Variants in GTPBP4 observed in about 807,000 individuals in gnomAD.
GTPBP4 encodes GTP-binding protein 4.
A neutral mutation model predicts 81.7 loss-of-function variants in GTPBP4; 15 were observed. The ratio of observed to expected loss-of-function variants is 0.18; its 90% CI spans 0.12 to 0.28. The LOEUF (loss-of-function observed/expected upper bound fraction) is 0.28. Among genes scored for constraint, GTPBP4 ranks in the 10% least tolerant of loss-of-function variants. The pLI, the probability that GTPBP4 is intolerant of heterozygous loss-of-function variation, is 1.00. For synonymous variants in GTPBP4, 272 were observed against 274.6 expected, an observed-to-expected ratio of 0.99 and a Z score of 0.09; for missense variants, 847 against 793.8, an observed-to-expected ratio of 1.07 and a Z score of -0.81.
intron 12 of GTPBP4, among the ~76,000 whole-genome samples, chr10:1,010,009 G>GTA (rs1831822014): frequency 6.6e-6 from 1 of 151,556 alleles, no homozygotes; most frequent in Middle Eastern, 3.4e-3. Flanking sequence ...AAAGGTGCAT[G>GTA]CTGATAGCAC....
chr10:1,010,258 A>G (rs1831828859), intron 12 of GTPBP4, among the ~76,000 whole-genome samples, 162 bp from the exon 13 acceptor site: 1 of 151,888 alleles, frequency 6.6e-6, no homozygotes, highest in Non-Finnish European at 1.5e-5. Flanking sequence ...TGGGTGTTGA[A>G]TGAGGCTGAT....
At chr10:1,007,152 G>A (rs771590875) in intron 10 of GTPBP4, 24 bp downstream of exon 10, 28 of 1,305,706 alleles carry the variant, frequency 2.1e-5, no homozygotes, top group Admixed American at 8.4e-5. Flanking sequence ...TGGGACAGCC[G>A]TGGGCTCACA....
At chr10:993,757 T>C (rs1459949532) in intron 2 of GTPBP4, among the ~76,000 whole-genome samples, 5 of 152,172 alleles carry the variant, frequency 3.3e-5, no homozygotes, top group African/African-American at 1.2e-4. Flanking sequence ...AATGTTTGGC[T>C]TCTGTGACAG....
intron 15 of GTPBP4, among the ~76,000 whole-genome samples, chr10:1,015,534 GGGGTCCT>G (rs1320492426): frequency 3.1e-4 from 41 of 132,900 alleles, no homozygotes; most frequent in African/African-American, 9.7e-4. Flanking sequence ...GAGCGGGGCT[GGGGTCCT>G]GAGCGCTGAG....
Position 1,002,140 on chromosome 10 carries a change from C to T in GTPBP4, c.912+1127C>T, listed in dbSNP as rs564170353. ...GTTTTACCATACCGGCCAGGCTGGTCTTGAATTTATGACCTCAAGTGATCC... is the reference window on the plus strand; with the variant it reads ...GTTTTACCATACCGGCCAGGCTGGTTTTGAATTTATGACCTCAAGTGATCC... On this transcript the variant is annotated intron_variant, in intron 8 of 16. Coordinates refer to ENST00000360803, the MANE Select transcript of GTPBP4 (RefSeq NM_012341.3). 2.0e-5 allele frequency among the ~76,000 whole-genome samples: 3 copies of T among 152,216 alleles called. No individual in the cohort carries two copies. In the South Asian group the frequency reaches 6.2e-4, roughly 32 times the overall value.
intron 8 of GTPBP4, among the ~76,000 whole-genome samples, chr10:1,005,226 A>G (rs1229385287): frequency 6.6e-6 from 1 of 151,910 alleles, no homozygotes; most frequent in Non-Finnish European, 1.5e-5. Flanking sequence ...GCTCAATGCA[A>G]GCTCCACCTC....
chr10:1,013,040 A>G lies in GTPBP4; in HGVS notation c.1542+378A>G, dbSNP rs559660389. 1.6e-4 allele frequency among the ~76,000 whole-genome samples: 25 copies of G among 151,788 alleles called. 1 individual carries two copies. The East Asian group carries it at 3.9e-3, about 24-fold the overall frequency. On this transcript the variant is annotated intron_variant, in intron 14 of 16. Coordinates refer to ENST00000360803, the MANE Select transcript of GTPBP4 (RefSeq NM_012341.3). ...GCTGTGTCTCCCAGGCTGGAGTGCA[A>G]TGGCGCCATCTTGGCTCACTGCAGC...
chr10:1,019,823 C>T lies in GTPBP4; in HGVS notation c.*2596C>T, dbSNP rs773314383. The T allele has an allele frequency of 1.1e-5, 17 of 1,612,132 alleles. No individual in the cohort carries two copies. Among genetic ancestry groups the T allele is most frequent in the Non-Finnish European group, 1.4e-5 (16 of 1,178,370 alleles). The stretch of plus-strand genomic sequence containing the variant: ...GATAGATTGTCATGAACACAATGTC[C>T]TCTGGAGAAATCTATTGACAGAAAT... On this transcript the variant is annotated 3_prime_UTR_variant, in exon 17 of 17. Transcript: ENST00000360803.
chr10:994,946 C>T (rs1335489848), intron 2 of GTPBP4, among the ~76,000 whole-genome samples: 1 of 152,076 alleles, frequency 6.6e-6, no homozygotes, highest in Non-Finnish European at 1.5e-5. Flanking sequence ...TGCAGTGAAG[C>T]CATGGAAGGG....
chr10:988,451 C>T lies in GTPBP4; in HGVS notation c.-29C>T. ...CCGACGGCGGAAGTTCCGGGAGTGC[C>T]AAGTACCCGCGTGCATACGGCTGCC... On this transcript the variant is annotated 5_prime_UTR_variant, in exon 1 of 17. Coordinates refer to ENST00000360803, the MANE Select transcript of GTPBP4 (RefSeq NM_012341.3). 6.2e-7 allele frequency: 1 copy of T among 1,607,100 alleles called. No homozygotes were observed. Among genetic ancestry groups the T allele is most frequent in the Non-Finnish European group, 8.5e-7 (1 of 1,174,178 alleles).
At chr10:1,015,381 T>G (rs12254657) in intron 15 of GTPBP4, among the ~76,000 whole-genome samples, 2,021 of 106,786 alleles carry the variant, frequency 0.019, 73 homozygotes, top group African/African-American at 0.069. Flanking sequence ...GGTCCTGAGC[T>G]CTGAGCCTGG....
At chr10:1,005,681 GAT>G in intron 8 of GTPBP4, 135 bp from the exon 9 acceptor site, 1 of 619,722 alleles carries the variant, frequency 1.6e-6, no homozygotes, top group Non-Finnish European at 2.9e-6. Context: ...CTGTTTTTAG[GAT>G]ATGTCTGTTT....
At chr10:991,711 TTTG>T (rs1831446718) in intron 1 of GTPBP4, among the ~76,000 whole-genome samples, 1 of 145,912 alleles carries the variant, frequency 6.9e-6, no homozygotes. Flanking sequence ...TTTTTTTTTT[TTTG>T]AGACGGAGTC....
At chr10:1,013,841 A>T (rs1196583047) in intron 14 of GTPBP4, among the ~76,000 whole-genome samples, 3 of 152,182 alleles carry the variant, frequency 2.0e-5, no homozygotes, top group African/African-American at 7.2e-5. Flanking sequence ...GTGACTGGTT[A>T]TGGCGGACTT....
chr10:999,030 C>T lies in GTPBP4; in HGVS notation c.589C>T (p.Pro197Ser). Residue 197 changes from proline (P) to serine (S), a missense_variant, in exon 6 of 17, where the codon CCC (proline) becomes TCC (serine). Around this residue, in one of 3 missense-constraint regions of GTPBP4, gnomAD observed 600 missense variants for 557.1 expected, o/e 1.08. Coordinates refer to ENST00000360803, the MANE Select transcript of GTPBP4 (RefSeq NM_012341.3). ...GACGAGAGCAGACGTGGATGTCCAG[C>T]CCTATGCGTTCACAACCAAGTCTCT... is the stretch of plus-strand genomic sequence containing the variant. ...KVTRADVDVQPYAFTTKSLFV... is the reference protein window; with the variant it reads ...KVTRADVDVQSYAFTTKSLFV... The T allele has an allele frequency of 1.2e-6, 2 of 1,607,556 alleles. No individual in the cohort carries two copies. The highest frequency in any genetic ancestry group is 1.7e-6 in the Non-Finnish European group (2 of 1,173,956).
chr10:1,001,931 G>GTT (rs34090663), intron 8 of GTPBP4, among the ~76,000 whole-genome samples: 154 of 145,654 alleles, frequency 1.1e-3, no homozygotes, highest in East Asian at 4.0e-3. Flanking sequence ...TTTTATTTTT[G>GTT]TTTTTTTTTT....
At chr10:1,009,467 C>T (rs1232441545) in intron 11 of GTPBP4, 62 bp from the exon 12 acceptor site, 2 of 1,041,556 alleles carry the variant, frequency 1.9e-6, no homozygotes, top group South Asian at 2.5e-5. Context: ...TGACAAGGGG[C>T]AGAGCATTTC....
chr10:1,017,582 A>C lies in GTPBP4; in HGVS notation c.*355A>C, dbSNP rs1453086135. ...GCAAACACGTTTATGAGTGTGTCGG[A>C]ATCCCGTGCTTAAAATACGCTCTTA... is the stretch of plus-strand genomic sequence containing the variant. On this transcript the variant is annotated 3_prime_UTR_variant, in exon 17 of 17. Coordinates refer to ENST00000360803, the MANE Select transcript of GTPBP4 (RefSeq NM_012341.3). 1 of 180,588 alleles carries C rather than the reference A, an allele frequency of 5.5e-6. No individual in the cohort carries two copies. Among genetic ancestry groups the C allele is most frequent in the Non-Finnish European group, 1.1e-5 (1 of 87,316 alleles). 11.2% of individuals were successfully genotyped at this position (180,588 alleles called of 1,614,324 possible). A position where few individuals can be genotyped will look rare whatever the true frequency, so the allele number is the denominator to read the frequency against.
intron 16 of GTPBP4, 120 bp downstream of exon 16, chr10:1,016,016 G>A: frequency 1.1e-6 from 1 of 886,904 alleles, no homozygotes; most frequent in Non-Finnish European, 1.8e-6. Context: ...TGTGTGTACT[G>A]CATGCCCTCG....
Sources: gnomAD v4.1 joint callset for allele counts (sites outside exome capture counted in the v4.1 genomes callset) on GRCh38, gnomAD v4.1.1 for gene constraint, gnomAD v4.1.1 regional missense constraint, MANE v1.5 for transcripts, NCBI Gene and HGNC (gene_info 2026-07-23, HGNC 2026-07-21) for gene names.